FBLIM1: variants seen among roughly 807,000 people sequenced by gnomAD.
The protein encoded by FBLIM1 is filamin-binding LIM protein 1.
Under a neutral mutation model 37.4 loss-of-function variants are expected in FBLIM1, and 29 were observed. The ratio of observed to expected loss-of-function variants is 0.77; its 90% CI spans 0.58 to 1.06. FBLIM1 has a LOEUF of 1.06. Ranked by LOEUF, FBLIM1 falls within the 50% of genes least tolerant of loss-of-function variation. The pLI, the probability that FBLIM1 is intolerant of heterozygous loss-of-function variation, is 0.00. For synonymous variants in FBLIM1, 193 were observed against 199.0 expected (o/e 0.97, Z 0.25); for missense variants, 449 against 505.6 (o/e 0.89, Z 1.07).
chr1:15,770,664 T>G, intron 6 of FBLIM1, 86 bp downstream of exon 6: 1 of 1,468,976 alleles, frequency 6.8e-7, no homozygotes, highest in Non-Finnish European at 9.2e-7. Flanking sequence ...CACACAGTCC[T>G]GGGAAGTAGG....
At chr1:15,781,843 C>T (rs1234022839) in intron 8 of FBLIM1, among the ~76,000 whole-genome samples, 12 of 149,764 alleles carry the variant, frequency 8.0e-5, no homozygotes, top group Non-Finnish European at 1.5e-4. Flanking sequence ...CTCAGCCTCC[C>T]GAGTAGCTGG....
Position 15,770,504 on chromosome 1 carries a change from ACCTGCCGCCGCCAG to A in FBLIM1, c.639_652del (p.Cys214GlyfsTer61), listed in dbSNP as rs762810423. The stretch of plus-strand genomic sequence containing the variant: ...CCATGCCCAGTGCTTCACGTGCCGC[ACCTGCCGCCGCCAG>A]CTGGCTGGGCAGAGCTTCTACCAGA... On this transcript the variant is annotated frameshift_variant, in exon 6 of 9. Coordinates refer to ENST00000375766, the MANE Select transcript of FBLIM1 (RefSeq NM_017556.4). LOFTEE classifies it high-confidence loss of function. The A allele has an allele frequency of 6.2e-7, 1 of 1,613,156 alleles. No homozygotes were observed. Among genetic ancestry groups the A allele is most frequent in the South Asian group, 1.1e-5 (1 of 91,050 alleles).
chr1:15,784,660 G>C lies in FBLIM1; in HGVS notation c.1121G>C (p.Ter374SerextTer33). 3 of 1,613,864 alleles carry C rather than the reference G, an allele frequency of 1.9e-6. No individual in the cohort carries two copies. The highest frequency in any genetic ancestry group is 2.5e-6 in the Non-Finnish European group (3 of 1,179,806). Residue 374 changes from the stop codon to serine, a stop_lost, in exon 9 of 9, where the codon TGA (stop) becomes TCA (serine). Transcript: ENST00000375766. ...AAGCGGAGTGCTGCGGGGTGCTGCTGAGAGTGCCCGCTGGGCAGTGAACAG... is the reference window on the plus strand; with the variant it reads ...AAGCGGAGTGCTGCGGGGTGCTGCTCAGAGTGCCCGCTGGGCAGTGAACAG... ...HVKRSAAGCC[*>S]
chr1:15,764,122 C>T (rs1030301740), intron 1 of FBLIM1, among the ~76,000 whole-genome samples: 16 of 152,090 alleles, frequency 1.1e-4, no homozygotes, highest in African/African-American at 3.6e-4. Flanking sequence ...CACTAGAAAG[C>T]AAGCAAGGAG....
chr1:15,762,993 G>C (rs774028724), intron 1 of FBLIM1, among the ~76,000 whole-genome samples: 12 of 152,146 alleles, frequency 7.9e-5, no homozygotes, highest in Non-Finnish European at 1.2e-4. Context: ...TAGGAAGGGC[G>C]AGTGGTCCAG....
rs543312994 is a variant in FBLIM1 at position 15,781,759 on chromosome 1, C to A, written c.1009-2789C>A. ...TTTGAGACGGAGTCTCGCTCTGTCG[C>A]CCAGGCTGGAGTGCAGTGGTGCAAT... is the stretch of plus-strand genomic sequence containing the variant. On this transcript the variant is annotated intron_variant, in intron 8 of 8. Coordinates refer to ENST00000375766, the MANE Select transcript of FBLIM1 (RefSeq NM_017556.4). Among the ~76,000 whole-genome samples the A allele has an allele frequency of 1.6e-4, 23 of 142,050 alleles. 1 individual carries two copies. In the East Asian group the frequency reaches 3.6e-3, roughly 22 times the overall value. 93.2% of individuals were successfully genotyped at this position (142,050 alleles called of 152,430 possible).
rs545605422 is a variant in FBLIM1 at position 15,775,188 on chromosome 1, C to G, written c.890+392C>G. Reference sequence around the variant, plus strand: ...TGAGCCGAGATCACGCCACTGCACTCCAGCCTGGGCAACAGAGTGTGAGAC... The same window carrying G: ...TGAGCCGAGATCACGCCACTGCACTGCAGCCTGGGCAACAGAGTGTGAGAC... On this transcript the variant is annotated intron_variant, in intron 7 of 8. Transcript: ENST00000375766. 515 of 210,080 alleles carry G rather than the reference C, an allele frequency of 2.5e-3. 1 individual carries two copies. Among genetic ancestry groups the G allele is most frequent in the Non-Finnish European group, 3.5e-3 (391 of 112,332 alleles). 13.0% of individuals were successfully genotyped at this position (210,080 alleles called of 1,614,324 possible). A position where few individuals can be genotyped will look rare whatever the true frequency, so the allele number is the denominator to read the frequency against.
intron 3 of FBLIM1, among the ~76,000 whole-genome samples, chr1:15,767,163 G>A (rs1360997756): frequency 1.3e-5 from 2 of 151,942 alleles, no homozygotes; most frequent in African/African-American, 4.8e-5. Context: ...AAAGTGCTGA[G>A]ATTATAGGCA....
chr1:15,761,621 G>A (rs952715007), intron 1 of FBLIM1, among the ~76,000 whole-genome samples: 4 of 152,142 alleles, frequency 2.6e-5, no homozygotes, highest in African/African-American at 7.2e-5. Flanking sequence ...CTAAGCATAC[G>A]TACTTCCAGA....
At position 15,773,871 on chromosome 1, in the gene FBLIM1, G is replaced by A. The variant is rs80079869; in HGVS notation, c.712-747G>A. On this transcript the variant is annotated intron_variant, in intron 6 of 8. Coordinates refer to ENST00000375766, the MANE Select transcript of FBLIM1 (RefSeq NM_017556.4). The stretch of plus-strand genomic sequence containing the variant: ...CAAAATGTGTGAGGAAGCCAGACAC[G>A]GTGGCTCACGCCTGTAATCCCAGCA... Among the ~76,000 whole-genome samples, 314 of 152,082 alleles carry A rather than the reference G, an allele frequency of 2.1e-3. 2 individuals are homozygous for A. Among genetic ancestry groups the A allele is most frequent in the South Asian group, 0.012 (59 of 4,816 alleles).
At chr1:15,775,081 A>G (rs1217564303) in intron 7 of FBLIM1, 17 of 576,124 alleles carry the variant, frequency 3.0e-5, no homozygotes, top group Non-Finnish European at 4.4e-5. Context: ...TTAGCCAGGC[A>G]TGGTGGCGGG....
intron 8 of FBLIM1, among the ~76,000 whole-genome samples, chr1:15,783,743 C>T (rs1436594704): frequency 2.0e-5 from 3 of 151,770 alleles, no homozygotes; most frequent in East Asian, 1.9e-4. Flanking sequence ...CCACCACGCC[C>T]GGCTAGTTTT....
chr1:15,773,741 T>A (rs189287944), intron 6 of FBLIM1, among the ~76,000 whole-genome samples: 2 of 148,750 alleles, frequency 1.3e-5, no homozygotes, highest in East Asian at 3.9e-4. Context: ...AATAAAACAA[T>A]TTTTTAAAGA....
rs2069754264 is a variant in FBLIM1 at position 15,785,759 on chromosome 1, A to C, written c.*1098A>C. 6.6e-6 allele frequency: 1 copy of C among 152,282 alleles called. No homozygotes were observed. Among genetic ancestry groups the C allele is most frequent in the East Asian group, 1.9e-4 (1 of 5,206 alleles). The allele number at this position is 152,282 out of a possible 1,614,324, so 9.4% of individuals were successfully genotyped here. A position where few individuals can be genotyped will look rare whatever the true frequency, so the allele number is the denominator to read the frequency against. The stretch of plus-strand genomic sequence containing the variant: ...TCGCACATGTACAGGAATGGGACCC[A>C]GTTGGGGCACAGCCATGGACTTCCC... On this transcript the variant is annotated 3_prime_UTR_variant, in exon 9 of 9. Transcript: ENST00000375766.
chr1:15,759,023 C>A (rs1477570823), intron 1 of FBLIM1, among the ~76,000 whole-genome samples, 175 bp downstream of exon 1: 1 of 152,102 alleles, frequency 6.6e-6, no homozygotes, highest in Non-Finnish European at 1.5e-5. Flanking sequence ...CCCTTTGCGT[C>A]CCAGTCTCTT....
chr1:15,782,786 C>T (rs925157625), intron 8 of FBLIM1, among the ~76,000 whole-genome samples: 3 of 150,740 alleles, frequency 2.0e-5, no homozygotes, highest in Non-Finnish European at 4.4e-5. Context: ...CACCTGTGAC[C>T]CCAAAGTAGT....
chr1:15,779,954 T>C (rs531293187), intron 8 of FBLIM1, among the ~76,000 whole-genome samples: 5 of 152,252 alleles, frequency 3.3e-5, no homozygotes, highest in African/African-American at 4.8e-5. Flanking sequence ...TAGCTCACTG[T>C]AGCCTTGAAC....
At chr1:15,775,545 A>AAG in intron 7 of FBLIM1, among the ~76,000 whole-genome samples, 1 of 152,002 alleles carries the variant, frequency 6.6e-6, no homozygotes, top group African/African-American at 2.4e-5. Context: ...AAAAAAAAAA[A>AAG]AAAAGAAAAG....
At position 15,765,016 on chromosome 1, in the gene FBLIM1, G is replaced by T. The variant is rs139527039; in HGVS notation, c.33G>T (p.Ser11=). Residue 11 remains serine (S), a synonymous_variant, in exon 3 of 9, where the codon TCG becomes TCT. Coordinates refer to ENST00000375766, the MANE Select transcript of FBLIM1 (RefSeq NM_017556.4). The surrounding 1 kb of genome is among the most constrained non-coding windows in gnomAD (Gnocchi z 5.9). MASKPEKRVA[S]SVFITLAPPR... Reference sequence around the variant, plus strand: ...CAAAGCCTGAGAAGAGGGTGGCATCGTCTGTCTTTATCACCCTGGCACCCC... The same window carrying T: ...CAAAGCCTGAGAAGAGGGTGGCATCTTCTGTCTTTATCACCCTGGCACCCC... 1.2e-6 allele frequency: 2 copies of T among 1,613,890 alleles called. No individual in the cohort carries two copies. The highest frequency in any genetic ancestry group is 3.3e-5 in the Admixed American group (2 of 59,992).
Sources: allele counts gnomAD v4.1 joint callset (sites outside exome capture counted in the v4.1 genomes callset), GRCh38; gene constraint gnomAD v4.1.1; non-coding constraint Gnocchi (gnomAD v3.1); transcripts MANE v1.5; gene names NCBI Gene and HGNC (gene_info 2026-07-23, HGNC 2026-07-21).